SIPA1L1: variants seen among roughly 807,000 people sequenced by gnomAD.
SIPA1L1 encodes signal induced proliferation associated 1 like 1.
A neutral mutation model predicts 162.7 loss-of-function variants in SIPA1L1; 26 were observed. The observed-to-expected ratio is 0.16, with a 90% CI of 0.12 to 0.22. The LOEUF (loss-of-function observed/expected upper bound fraction) is 0.22, where lower values mean the gene tolerates loss of function less well. Among genes scored for constraint, SIPA1L1 ranks in the 10% least tolerant of loss-of-function variants. The pLI is 1.00. For missense variants in SIPA1L1, 1,874 were observed against 2,241.0 expected, an observed-to-expected ratio of 0.84 and a Z score of 3.31; for synonymous variants, 829 against 837.4, an observed-to-expected ratio of 0.99 and a Z score of 0.17.
chr14:71,542,865 T>TG (rs971634803), intron 4 of SIPA1L1, among the ~76,000 whole-genome samples: 2 of 151,772 alleles, frequency 1.3e-5, no homozygotes, highest in Non-Finnish European at 2.9e-5. Context: ...ATTACAGGCA[T>TG]GATCCTCTGT....
At position 71,504,663 on chromosome 14, in the gene SIPA1L1, C is replaced by G. The variant is rs908334759; in HGVS notation, c.-464-8080C>G. 2.0e-5 allele frequency among the ~76,000 whole-genome samples: 3 copies of G among 152,168 alleles called. 1 individual carries two copies. Among genetic ancestry groups the G allele is most frequent in the Admixed American group, 2.0e-4 (3 of 15,264 alleles). On this transcript the variant is annotated intron_variant, in intron 2 of 23. Coordinates refer to ENST00000381232, the MANE Select transcript of SIPA1L1 (RefSeq NM_001386936.1). ...AAAGAAAAAAATGCAGCCTTCTAAA[C>G]TATGGCACATTGCTAAGATGCCAGG...
At chr14:71,663,327 A>G (rs1294990752) in intron 10 of SIPA1L1, among the ~76,000 whole-genome samples, 2 of 152,198 alleles carry the variant, frequency 1.3e-5, no homozygotes, top group Admixed American at 6.5e-5. Flanking sequence ...GACTTACCGC[A>G]TATCTCAATT....
intron 3 of SIPA1L1, among the ~76,000 whole-genome samples, chr14:71,526,801 C>T (rs1011662933): frequency 2.6e-5 from 4 of 152,066 alleles, no homozygotes; most frequent in Non-Finnish European, 4.4e-5. Flanking sequence ...TACTGGGTTT[C>T]GGCTATTACA....
At chr14:71,616,044 A>C (rs937631391) in intron 5 of SIPA1L1, among the ~76,000 whole-genome samples, 3 of 152,176 alleles carry the variant, frequency 2.0e-5, no homozygotes, top group African/African-American at 7.2e-5. Context: ...TCTCAGGCTT[A>C]GAGATGTCTG....
rs1178007314 is a variant in SIPA1L1, at chr14:71,420,973, G to C, written c.-464-91770G>C. 2.6e-5 allele frequency among the ~76,000 whole-genome samples: 4 copies of C among 152,166 alleles called. No homozygotes were observed. In the East Asian group the frequency reaches 7.7e-4, roughly 29 times the overall value. ...TCCAAGCAGCCTTCACACATCGCACGTGTCTCTTTTAAGTCTTTCTTAATC... is the reference window on the plus strand; with the variant it reads ...TCCAAGCAGCCTTCACACATCGCACCTGTCTCTTTTAAGTCTTTCTTAATC... On this transcript the variant is annotated intron_variant, in intron 2 of 23. Transcript: ENST00000381232.
chr14:71,438,573 T>C (rs998871035), intron 2 of SIPA1L1, among the ~76,000 whole-genome samples: 1 of 152,222 alleles, frequency 6.6e-6, no homozygotes, highest in Non-Finnish European at 1.5e-5. Flanking sequence ...TATACATTTA[T>C]GCGCATGTGG....
At chr14:71,551,492 A>G (rs980911512) in intron 4 of SIPA1L1, among the ~76,000 whole-genome samples, 3 of 152,182 alleles carry the variant, frequency 2.0e-5, no homozygotes, top group Non-Finnish European at 2.9e-5. Flanking sequence ...TCAGTAACAT[A>G]TTTCTTAACC....
chr14:71,613,298 A>C (rs2038433118), intron 5 of SIPA1L1, among the ~76,000 whole-genome samples: 1 of 152,124 alleles, frequency 6.6e-6, no homozygotes, highest in South Asian at 2.1e-4. Flanking sequence ...ACTGCTATAT[A>C]CTACTTCTGA....
chr14:71,355,468 G>C (rs996029951), intron 2 of SIPA1L1, among the ~76,000 whole-genome samples: 14 of 152,176 alleles, frequency 9.2e-5, no homozygotes, highest in Admixed American at 6.5e-5. Context: ...ACGAAGTACT[G>C]ATCATTTTGG....
chr14:71,574,472 C>T (rs2032654422), intron 4 of SIPA1L1: 1 of 152,322 alleles, frequency 6.6e-6, no homozygotes, highest in South Asian at 2.1e-4. Context: ...GGAGATTTAT[C>T]TTGCACTTAG....
chr14:71,401,838 TTG>T (rs1338834198), intron 2 of SIPA1L1, among the ~76,000 whole-genome samples: 9 of 152,274 alleles, frequency 5.9e-5, no homozygotes, highest in Non-Finnish European at 8.8e-5. Context: ...GATTTTTTAT[TTG>T]TGTGTTTTTC....
In SIPA1L1 at chr14:71,735,288, T is replaced by C; in HGVS notation, c.5020T>C (p.Ser1674Pro). 1 of 1,613,016 alleles carries C rather than the reference T, an allele frequency of 6.2e-7. No individual in the cohort carries two copies. The highest frequency in any genetic ancestry group is 2.2e-5 in the East Asian group (1 of 44,878). Reference protein sequence around the residue: ...AAKAYEVQRASFFAASDENHR... With the variant: ...AAKAYEVQRAPFFAASDENHR... ...TCTCTCCTTTCCAGTCCAGAGAGCC[T>C]CATTTTTTGCTGCTAGTGATGAAAA... Residue 1674 changes from serine to proline, a missense_variant, in exon 22 of 24, where the codon TCA becomes CCA. This residue lies in a region of SIPA1L1 where 936 missense variants were observed against 1,051.9 expected (regional missense o/e 0.89). Transcript: ENST00000381232.
chr14:71,653,502 C>A (rs2042800854), intron 8 of SIPA1L1, among the ~76,000 whole-genome samples: 1 of 152,138 alleles, frequency 6.6e-6, no homozygotes, highest in African/African-American at 2.4e-5. Flanking sequence ...ACTTCCTGAA[C>A]TCGAGTCTGT....
chr14:71,351,403 G>A (rs951982593), intron 2 of SIPA1L1, among the ~76,000 whole-genome samples: 3 of 152,148 alleles, frequency 2.0e-5, no homozygotes, highest in Non-Finnish European at 2.9e-5. Context: ...ACCATGATAG[G>A]TTGGGAATAT....
intron 10 of SIPA1L1, among the ~76,000 whole-genome samples, chr14:71,669,448 G>C (rs981148200): frequency 6.6e-6 from 1 of 152,194 alleles, no homozygotes; most frequent in African/African-American, 2.4e-5. Context: ...GAGTGAAATA[G>C]CAGATGAGAA....
At chr14:71,515,263 G>C (rs192106125) in intron 3 of SIPA1L1, among the ~76,000 whole-genome samples, 2 of 152,348 alleles carry the variant, frequency 1.3e-5, no homozygotes, top group Admixed American at 1.3e-4. Flanking sequence ...GAGAATTCGT[G>C]TAGCAAAATT....
intron 2 of SIPA1L1, among the ~76,000 whole-genome samples, chr14:71,383,028 A>G (rs1189939906): frequency 1.3e-5 from 2 of 152,104 alleles, no homozygotes; most frequent in Non-Finnish European, 1.5e-5. Flanking sequence ...ACTAGATGGG[A>G]CTTGAACCTA....
At position 71,720,116 on chromosome 14, in the gene SIPA1L1, T is replaced by C. The variant is rs116914475; in HGVS notation, c.4209-3531T>C. ...TTGAGAGTTTGATTAATATATGCCT[T>C]GAAGTAGTCTTATTTGGGTGGGATC... is the stretch of plus-strand genomic sequence containing the variant. On this transcript the variant is annotated intron_variant, in intron 17 of 23. Coordinates refer to ENST00000381232, the MANE Select transcript of SIPA1L1 (RefSeq NM_001386936.1). Among the ~76,000 whole-genome samples the C allele has an allele frequency of 7.0e-4, 107 of 152,324 alleles. 2 individuals are homozygous for C. In the East Asian group the frequency reaches 0.018, roughly 25 times the overall value.
chr14:71,420,875 G>C (rs544895823), intron 2 of SIPA1L1, among the ~76,000 whole-genome samples: 1 of 152,122 alleles, frequency 6.6e-6, no homozygotes, highest in African/African-American at 2.4e-5. Flanking sequence ...CTAGCTAGTC[G>C]TGTAAGCCCT....
Sources: gnomAD v4.1 joint callset for allele counts (sites outside exome capture counted in the v4.1 genomes callset) on GRCh38, gnomAD v4.1.1 for gene constraint, gnomAD v4.1.1 regional missense constraint, MANE v1.5 for transcripts, NCBI Gene and HGNC (gene_info 2026-07-23, HGNC 2026-07-21) for gene names.